Variants in OTOGL observed in about 807,000 individuals in gnomAD.
The protein encoded by OTOGL is otogelin-like protein.
A neutral mutation model predicts 318.5 loss-of-function variants in OTOGL; 285 were observed. The observed-to-expected ratio is 0.89, with a 90% confidence interval of 0.81 to 0.99. The LOEUF (loss-of-function observed/expected upper bound fraction) is 0.99, where lower values mean the gene tolerates loss of function less well. Ranked by LOEUF, OTOGL falls within the 50% of genes least tolerant of loss-of-function variation. OTOGL has a pLI of 0.00. For missense variants in OTOGL, 2,899 were observed against 2,845.6 expected (o/e 1.02, Z -0.43); for synonymous variants, 987 against 936.5 (o/e 1.05, Z -0.99).
At chr12:80,269,988 C>A in intron 22 of OTOGL, 114 bp from the exon 23 acceptor site, 1 of 864,516 alleles carries the variant, frequency 1.2e-6, no homozygotes, top group Non-Finnish European at 1.8e-6. Flanking sequence ...GGAAAAATAA[C>A]ATTTGTATAA....
At chr12:80,238,682 T>C (rs1483931712) in intron 9 of OTOGL, among the ~76,000 whole-genome samples, 169 bp from the exon 10 acceptor site, 1 of 152,212 alleles carries the variant, frequency 6.6e-6, no homozygotes, top group Non-Finnish European at 1.5e-5. Context: ...TCAATTTGTT[T>C]TTATTATGAT....
intron 1 of OTOGL, among the ~76,000 whole-genome samples, chr12:80,111,915 T>G (rs577837344): frequency 6.6e-6 from 1 of 152,186 alleles, no homozygotes; most frequent in African/African-American, 2.4e-5. Flanking sequence ...TGTCCTCTCT[T>G]ATTTCCTTGA....
intron 1 of OTOGL, among the ~76,000 whole-genome samples, chr12:80,186,108 T>C (rs1875271318): frequency 6.6e-6 from 1 of 152,190 alleles, no homozygotes; most frequent in Non-Finnish European, 1.5e-5. Context: ...CTTTTACCCC[T>C]TATATCTTGG....
In OTOGL at chr12:80,379,883, A is replaced by G. The variant is rs1232731235; in HGVS notation, c.*1835A>G. 1.3e-5 allele frequency: 2 copies of G among 151,956 alleles called. No individual in the cohort carries two copies. Among genetic ancestry groups the G allele is most frequent in the Non-Finnish European group, 2.9e-5 (2 of 67,904 alleles). 9.4% of individuals were successfully genotyped at this position (151,956 alleles called of 1,614,324 possible). On this transcript the variant is annotated 3_prime_UTR_variant, in exon 59 of 59. Coordinates refer to ENST00000547103, the MANE Select transcript of OTOGL (RefSeq NM_001378609.3). ...TTGGGACACAGGCAAAACTAAACAG[A>G]CACAGTCCTAACTCCCTTAATTCTT...
intron 1 of OTOGL, among the ~76,000 whole-genome samples, chr12:80,180,082 T>G (rs896099586): frequency 1.3e-5 from 2 of 152,224 alleles, no homozygotes; most frequent in African/African-American, 4.8e-5. Context: ...AAGGAGGCCT[T>G]GGTGGCCACG....
intron 1 of OTOGL, among the ~76,000 whole-genome samples, chr12:80,136,387 C>A (rs1222457163): frequency 2.6e-5 from 4 of 152,252 alleles, no homozygotes; most frequent in Non-Finnish European, 4.4e-5. Context: ...GCCAGCATCA[C>A]CTTTCATGTC....
chr12:80,318,542 C>T lies in OTOGL; in HGVS notation c.3635-4C>T. The T allele has an allele frequency of 7.8e-7, 1 of 1,279,864 alleles. No individual in the cohort carries two copies. Among genetic ancestry groups the T allele is most frequent in the Non-Finnish European group, 1.0e-6 (1 of 1,000,356 alleles). 79.3% of individuals were successfully genotyped at this position (1,279,864 alleles called of 1,614,324 possible). A position where few individuals can be genotyped will look rare whatever the true frequency, so the allele number is the denominator to read the frequency against. ...TTATAATTCTAATATTTATATTTAA[C>T]TAGGACTTGGAGAAGGACCATATAT... is the stretch of plus-strand genomic sequence containing the variant. On this transcript the variant is annotated splice_region_variant and splice_polypyrimidine_tract_variant and intron_variant, in intron 32 of 58. Transcript: ENST00000547103.
At chr12:80,192,179 T>C (rs554430756) in intron 1 of OTOGL, among the ~76,000 whole-genome samples, 59 of 152,266 alleles carry the variant, frequency 3.9e-4, no homozygotes, top group African/African-American at 1.3e-3. Flanking sequence ...AACTTTTTGA[T>C]GAGATCAGTA....
chr12:80,129,158 G>T (rs566645578), intron 1 of OTOGL, among the ~76,000 whole-genome samples: 1 of 152,170 alleles, frequency 6.6e-6, no homozygotes, highest in Non-Finnish European at 1.5e-5. Flanking sequence ...GACCGGAGCT[G>T]TTCCTATTCG....
intron 1 of OTOGL, among the ~76,000 whole-genome samples, chr12:80,120,064 CA>C (rs1870396991): frequency 6.6e-6 from 1 of 151,336 alleles, no homozygotes; most frequent in South Asian, 2.1e-4. Context: ...GACTTTTTAC[CA>C]TTTTTTTTTT....
intron 11 of OTOGL, among the ~76,000 whole-genome samples, chr12:80,243,030 T>A (rs1474754986): frequency 2.6e-5 from 4 of 152,104 alleles, no homozygotes; most frequent in Non-Finnish European, 4.4e-5. Context: ...CCAAGATTTT[T>A]TTTTTTGCTC....
intron 1 of OTOGL, among the ~76,000 whole-genome samples, chr12:80,191,468 A>G (rs1875694239): frequency 6.6e-6 from 1 of 152,206 alleles, no homozygotes; most frequent in Non-Finnish European, 1.5e-5. Context: ...ATTATTGAAT[A>G]CTGTCCAGAT....
intron 57 of OTOGL, among the ~76,000 whole-genome samples, chr12:80,372,878 G>A (rs1890968293): frequency 6.6e-6 from 1 of 151,852 alleles, no homozygotes; most frequent in African/African-American, 2.4e-5. Context: ...TAGTAGAGAT[G>A]GGGTTTCAGT....
chr12:80,371,104 G>C (rs564864049), intron 56 of OTOGL, among the ~76,000 whole-genome samples: 13 of 152,066 alleles, frequency 8.5e-5, no homozygotes, highest in Non-Finnish European at 1.8e-4. Context: ...TAGCTTTTCT[G>C]GTCACAGGTC....
chr12:80,304,045 T>C (rs2137745072), intron 28 of OTOGL, among the ~76,000 whole-genome samples: 1 of 152,360 alleles, frequency 6.6e-6, no homozygotes, highest in East Asian at 1.9e-4. Flanking sequence ...GCTATAGTTT[T>C]GTCTTTCTCA....
chr12:80,373,388 C>T (rs544599222), intron 57 of OTOGL, among the ~76,000 whole-genome samples: 3 of 152,148 alleles, frequency 2.0e-5, no homozygotes, highest in Non-Finnish European at 4.4e-5. Context: ...GCCAAGATCA[C>T]GCCACTGCAC....
intron 1 of OTOGL, among the ~76,000 whole-genome samples, chr12:80,136,639 C>T (rs1592483640): frequency 6.6e-6 from 1 of 152,116 alleles, no homozygotes; most frequent in African/African-American, 2.4e-5. Flanking sequence ...TCTACCTGGA[C>T]CATAATTTCT....
intron 1 of OTOGL, among the ~76,000 whole-genome samples, chr12:80,129,012 C>A (rs1380191714): frequency 6.6e-6 from 1 of 152,174 alleles, no homozygotes; most frequent in African/African-American, 2.4e-5. Flanking sequence ...CCTCGCCCTG[C>A]TTTGGCTCAC....
chr12:80,157,697 G>A (rs962397069), intron 1 of OTOGL, among the ~76,000 whole-genome samples: 2 of 152,070 alleles, frequency 1.3e-5, no homozygotes. Flanking sequence ...TTACCCCAGT[G>A]CTTGTTCTTG....
Sources: allele counts gnomAD v4.1 joint callset (sites outside exome capture counted in the v4.1 genomes callset), GRCh38; gene constraint gnomAD v4.1.1; transcripts MANE v1.5; gene names NCBI Gene and HGNC (gene_info 2026-07-23, HGNC 2026-07-21).